Variants in GNB1L observed in about 807,000 individuals in gnomAD.
GNB1L encodes the protein guanine nucleotide-binding protein subunit beta-like protein 1.
In GNB1L, 20 loss-of-function variants were observed where a neutral mutation model predicts 29.1. That is an observed-to-expected ratio of 0.69 (90% CI 0.48 to 1.00). The LOEUF is 1.00. GNB1L is among the 50% of genes least tolerant of loss of function. The pLI, the probability that GNB1L is intolerant of heterozygous loss-of-function variation, is 0.00. For synonymous variants in GNB1L, 193 were observed against 206.5 expected, an observed-to-expected ratio of 0.93 and a Z score of 0.56; for missense variants, 421 against 464.9, an observed-to-expected ratio of 0.91 and a Z score of 0.87.
At chr22:19,820,813 G>A (rs1440688410) in intron 3 of GNB1L, 90 bp from the exon 4 acceptor site, 18 of 1,448,624 alleles carry the variant, frequency 1.2e-5, no homozygotes, top group Admixed American at 6.0e-5. Flanking sequence ...TGTGGGATGC[G>A]GGCATCTAGG....
In GNB1L at chr22:19,819,920, G is replaced by A. The variant is rs1392511259; in HGVS notation, c.254+678C>T. The stretch of plus-strand genomic sequence containing the variant: ...ACAGCACTATACACCCAAGCCCTGC[G>A]CCCCGCCCCTGGCCACTCAGCCACC... On this transcript the variant is annotated intron_variant, in intron 4 of 7. Coordinates refer to ENST00000329517, the MANE Select transcript of GNB1L (RefSeq NM_053004.3). Among the ~76,000 whole-genome samples, 4 of 152,054 alleles carry A rather than the reference G, an allele frequency of 2.6e-5. 1 individual carries two copies. The East Asian group carries it at 5.8e-4, about 22-fold the overall frequency.
intron 2 of GNB1L, among the ~76,000 whole-genome samples, chr22:19,839,787 G>A (rs987589978): frequency 1.3e-5 from 2 of 151,974 alleles, no homozygotes; most frequent in African/African-American, 2.4e-5. Context: ...GGCTGAGACA[G>A]GAGAATCACC....
intron 4 of GNB1L, among the ~76,000 whole-genome samples, chr22:19,814,130 G>A (rs1273558596): frequency 6.6e-5 from 10 of 152,360 alleles, no homozygotes. Flanking sequence ...ATCCTCATGA[G>A]TGAATGTGTA....
intron 5 of GNB1L, among the ~76,000 whole-genome samples, chr22:19,809,047 G>A (rs1042327687): frequency 5.3e-5 from 8 of 152,002 alleles, no homozygotes; most frequent in South Asian, 2.1e-4. Context: ...CTCCACCCCC[G>A]GGCCTGTCCC....
At chr22:19,836,062 A>G (rs1787335730) in intron 2 of GNB1L, among the ~76,000 whole-genome samples, 1 of 152,226 alleles carries the variant, frequency 6.6e-6, no homozygotes, top group Non-Finnish European at 1.5e-5. Context: ...AGATTAGAGC[A>G]GAAATAAATA....
intron 2 of GNB1L, chr22:19,848,506 G>T: frequency 1.0e-6 from 1 of 985,502 alleles, no homozygotes; most frequent in Non-Finnish European, 1.2e-6. Flanking sequence ...CTGCCTGTCT[G>T]GAAGGCCATG....
In GNB1L at chr22:19,801,638, C is replaced by A. The variant is rs935567970; in HGVS notation, c.732+363G>T. Among the ~76,000 whole-genome samples the A allele has an allele frequency of 2.6e-5, 4 of 151,164 alleles. No homozygotes were observed. The East Asian group carries it at 5.8e-4, about 22-fold the overall frequency. On this transcript the variant is annotated intron_variant, in intron 7 of 7. Coordinates refer to ENST00000329517, the MANE Select transcript of GNB1L (RefSeq NM_053004.3). ...CCACCACGGGGGCTGCAGCTCCTCG[C>A]AGTTTTCCACACTGGTTTTTTTTTT...
chr22:19,795,876 C>T (rs1352148371), intron 7 of GNB1L, among the ~76,000 whole-genome samples: 7 of 152,132 alleles, frequency 4.6e-5, no homozygotes, highest in Admixed American at 2.0e-4. Flanking sequence ...ACCAGCACAG[C>T]CACCAAGAGG....
At position 19,806,763 on chromosome 22, in the gene GNB1L, AG is replaced by A; in HGVS notation, c.418-7del. On this transcript the variant is annotated splice_polypyrimidine_tract_variant and splice_region_variant and intron_variant, in intron 5 of 7. Transcript: ENST00000329517. ...GGCATCTCCAGAATCTGAACCTGAC[AG>A]TAAGAAAACAAGTTGATTTGGGCCG... 1 of 1,605,510 alleles carries A rather than the reference AG, an allele frequency of 6.2e-7. No homozygotes were observed. The highest frequency in any genetic ancestry group is 1.1e-5 in the South Asian group (1 of 90,902).
rs552656859 is a variant in GNB1L, at chr22:19,813,580, T to C, written c.255-1133A>G. 5.9e-5 allele frequency among the ~76,000 whole-genome samples: 9 copies of C among 152,066 alleles called. No individual in the cohort carries two copies. The East Asian group carries it at 1.7e-3, about 29-fold the overall frequency. ...GCACGTGCCTGTAATCCCAGCTACT[T>C]GGGAGGCTGAGGCATGAGAATTGTT... On this transcript the variant is annotated intron_variant, in intron 4 of 7. Transcript: ENST00000329517.
chr22:19,821,480 C>T, intron 2 of GNB1L, 105 bp from the exon 3 acceptor site: 1 of 1,153,712 alleles, frequency 8.7e-7, no homozygotes, highest in Non-Finnish European at 1.2e-6. Context: ...TGCTCATTGT[C>T]TCTGGCCCTG....
rs780057321 is a variant in GNB1L at position 19,820,700 on chromosome 22, A to T, written c.152T>A (p.Ile51Asn). The change falls in exon 4 of 8, where the codon ATC becomes AAC. Residue 51 changes from isoleucine (I) to asparagine (N), a missense_variant. By Grantham distance (149) the Ile-to-Asn change is moderately radical (BLOSUM62 -3). Coordinates refer to ENST00000329517, the MANE Select transcript of GNB1L (RefSeq NM_053004.3). ...FSGSQSGLVH[I>N]WSLQTRRAVT... is the part of the protein sequence containing the mutation. ...CGCTCTCCGCGTCTGCAGGCTCCAGATGTGTACCAGGCCACTCTGAGACCT... is the reference window on the plus strand; with the variant it reads ...CGCTCTCCGCGTCTGCAGGCTCCAGTTGTGTACCAGGCCACTCTGAGACCT... The T allele has an allele frequency of 2.5e-5, 40 of 1,613,498 alleles. No homozygotes were observed. The highest frequency in any genetic ancestry group is 3.3e-5 in the Non-Finnish European group (39 of 1,179,752).
At chr22:19,850,258 A>G in intron 2 of GNB1L, 2 of 985,058 alleles carry the variant, frequency 2.0e-6, no homozygotes, top group Non-Finnish European at 2.4e-6. Context: ...CACGTGTTTA[A>G]TGAGCACCAA....
chr22:19,828,264 G>A (rs947690601), intron 2 of GNB1L, among the ~76,000 whole-genome samples: 1 of 152,208 alleles, frequency 6.6e-6, no homozygotes, highest in Admixed American at 6.5e-5. Context: ...AGTAGGGGTT[G>A]AAATACTAAT....
Position 19,801,162 on chromosome 22 carries a change from T to C in GNB1L, c.732+839A>G, listed in dbSNP as rs1033504058. ...ACCTCACGGGACATGCAGCTCCCCC[T>C]GGAGGCCCTTCACCCACTAGACTGG... On this transcript the variant is annotated intron_variant, in intron 7 of 7. Transcript: ENST00000329517. Among the ~76,000 whole-genome samples the C allele has an allele frequency of 7.9e-5, 12 of 152,300 alleles. 1 individual carries two copies. Among genetic ancestry groups the C allele is most frequent in the South Asian group, 6.2e-4 (3 of 4,826 alleles).
rs1937932954 is a variant in GNB1L at position 19,845,124 on chromosome 22, G to A, written c.-21+9319C>T. ...TCCTGTGGCGGAGGCAACCTTGGGT[G>A]GAAAGGGGAGGTCCCCTATCACACA... is the stretch of plus-strand genomic sequence containing the variant. On this transcript the variant is annotated intron_variant, in intron 2 of 7. Transcript: ENST00000329517. 1.3e-5 allele frequency among the ~76,000 whole-genome samples: 2 copies of A among 152,218 alleles called. 1 individual carries two copies. Among genetic ancestry groups the A allele is most frequent in the African/African-American group, 4.8e-5 (2 of 41,462 alleles).
In GNB1L at chr22:19,821,154, G is replaced by A. The variant is rs148348753; in HGVS notation, c.128+74C>T. The A allele has an allele frequency of 5.6e-5, 82 of 1,457,880 alleles. No homozygotes were observed. In the East Asian group the frequency reaches 6.2e-4, roughly 11 times the overall value. 90.3% of individuals were successfully genotyped at this position (1,457,880 alleles called of 1,614,324 possible). A position where few individuals can be genotyped will look rare whatever the true frequency, so the allele number is the denominator to read the frequency against. ...CCTTGGCCAGCACCCTCAAACAAGC[G>A]CTGGGCTCCTTGCTAGCTCACGACC... On this transcript the variant is annotated intron_variant, in intron 3 of 7. Coordinates refer to ENST00000329517, the MANE Select transcript of GNB1L (RefSeq NM_053004.3).
chr22:19,791,533 GGAGGCA>G (rs958600747), intron 7 of GNB1L, among the ~76,000 whole-genome samples: 44 of 152,350 alleles, frequency 2.9e-4, no homozygotes, highest in African/African-American at 1.0e-3. Context: ...ATTAAGCTGA[GGAGGCA>G]GAGATCATAA....
intron 5 of GNB1L, among the ~76,000 whole-genome samples, chr22:19,811,363 C>G (rs899700462): frequency 5.3e-5 from 8 of 152,132 alleles, no homozygotes; most frequent in Non-Finnish European, 7.4e-5. Flanking sequence ...CAGTAGCCCC[C>G]ACGTGTGCGC....
Sources: allele counts gnomAD v4.1 joint callset (sites outside exome capture counted in the v4.1 genomes callset), GRCh38; gene constraint gnomAD v4.1.1; transcripts MANE v1.5; gene names NCBI Gene and HGNC (gene_info 2026-07-23, HGNC 2026-07-21).